Variants in EVI2A observed in about 807,000 individuals in gnomAD.
The protein encoded by EVI2A is ecotropic viral integration site 2A, also known as protein EVI2A.
In EVI2A, 11 loss-of-function variants were observed where a neutral mutation model predicts 13.0. The ratio of observed to expected loss-of-function variants is 0.85; its 90% CI spans 0.53 to 1.40. The LOEUF is 1.40. Ranked by LOEUF, EVI2A falls within the 40% of genes most tolerant of loss-of-function variation. The probability of loss-of-function intolerance (pLI) is 0.00; values close to 1 mark genes in which losing one functional copy is unlikely to be tolerated. For missense variants in EVI2A, 267 were observed against 279.5 expected, an observed-to-expected ratio of 0.96 and a Z score of 0.32; for synonymous variants, 89 against 98.0, an observed-to-expected ratio of 0.91 and a Z score of 0.54.
intron 1 of EVI2A, chr17:31,320,551 A>G: frequency 1.2e-6 from 1 of 829,634 alleles, no homozygotes; most frequent in Non-Finnish European, 1.9e-6. Flanking sequence ...GAAATGTGAT[A>G]CGTTGAGTTA....
chr17:31,320,650 A>G (rs1215382034), intron 1 of EVI2A: 2 of 437,338 alleles, frequency 4.6e-6, no homozygotes, highest in Non-Finnish European at 8.2e-6. Context: ...TAAATATTCC[A>G]GGATTAAGAT....
intron 1 of EVI2A, among the ~76,000 whole-genome samples, chr17:31,319,584 G>A (rs1325748547): frequency 6.6e-6 from 1 of 151,288 alleles, no homozygotes; most frequent in Non-Finnish European, 1.5e-5. Flanking sequence ...TTTTTCTTGG[G>A]TGTTCATCTT....
In EVI2A at chr17:31,321,404, C is replaced by T. The variant is rs1432307126; in HGVS notation, c.-11+91G>A. 2.0e-5 allele frequency: 3 copies of T among 152,184 alleles called. No homozygotes were observed. In the East Asian group the frequency reaches 5.8e-4, roughly 29 times the overall value. The allele number at this position is 152,184 out of a possible 1,614,324, so 9.4% of individuals were successfully genotyped here. A position where few individuals can be genotyped will look rare whatever the true frequency, so the allele number is the denominator to read the frequency against. On this transcript the variant is annotated intron_variant, in intron 1 of 1. Transcript: ENST00000462804. ...ACAATTCTAGTTTGTTAGTGAGATT[C>T]TTACACACTTTGATAGCATTTCCTC...
At chr17:31,320,327 T>C in intron 1 of EVI2A, 2 of 1,464,922 alleles carry the variant, frequency 1.4e-6, no homozygotes, top group Non-Finnish European at 1.8e-6. Flanking sequence ...CAAATGTACT[T>C]AGGAGTCCTT....
rs766097470 is a variant in EVI2A at position 31,318,655 on chromosome 17, AT to A, written c.358del (p.Ile120PhefsTer17). On this transcript the variant is annotated frameshift_variant, in exon 2 of 2. Coordinates refer to ENST00000462804, the MANE Select transcript of EVI2A (RefSeq NM_014210.4). LOFTEE classifies it high-confidence loss of function. ...IENTSKSHGE[I>X]FKKDVCAENN... ...TTCCGCACAGACATCCTTTTTGAAA[AT>A]TTCACCATGACTTTTGCTTGTGTTT... 4 of 1,613,960 alleles carry A rather than the reference AT, an allele frequency of 2.5e-6. No individual in the cohort carries two copies. The highest frequency in any genetic ancestry group is 1.7e-5 in the Admixed American group (1 of 59,974).
intron 1 of EVI2A, chr17:31,320,951 G>A (rs2069170706): frequency 6.6e-6 from 1 of 152,406 alleles, no homozygotes; most frequent in Non-Finnish European, 1.5e-5. Flanking sequence ...TTTTAACAGT[G>A]CTTACCACGG....
At position 31,317,549 on chromosome 17, in the gene EVI2A, T is replaced by C. The variant is rs1264787955; in HGVS notation, c.*754A>G. On this transcript the variant is annotated 3_prime_UTR_variant, in exon 2 of 2. Coordinates refer to ENST00000462804, the MANE Select transcript of EVI2A (RefSeq NM_014210.4). ...TAAACAGTGAAACATACTTTGCGTTTACACTTAGCCTATTGGTGTGGCTAT... is the reference window on the plus strand; with the variant it reads ...TAAACAGTGAAACATACTTTGCGTTCACACTTAGCCTATTGGTGTGGCTAT... 2 of 152,174 alleles carry C rather than the reference T, an allele frequency of 1.3e-5. No homozygotes were observed. The highest frequency in any genetic ancestry group is 2.9e-5 in the Non-Finnish European group (2 of 68,026). The allele number at this position is 152,174 out of a possible 1,614,324, so 9.4% of individuals were successfully genotyped here.
chr17:31,320,449 A>G (rs770519501), intron 1 of EVI2A: 1 of 1,609,104 alleles, frequency 6.2e-7, no homozygotes, highest in South Asian at 1.1e-5. Flanking sequence ...ACTGCTAGTC[A>G]GGCTTTTGAA....
intron 1 of EVI2A, among the ~76,000 whole-genome samples, chr17:31,320,186 A>G (rs186013285): frequency 6.6e-6 from 1 of 152,268 alleles, no homozygotes; most frequent in African/African-American, 2.4e-5. Context: ...GTCTTGAGCT[A>G]CTTTTGAAAG....
intron 1 of EVI2A, chr17:31,320,436 G>A: frequency 6.2e-7 from 1 of 1,610,230 alleles, no homozygotes; most frequent in East Asian, 2.2e-5. Flanking sequence ...CAACATGGAT[G>A]CCACTGCTAG....
At chr17:31,320,563 G>A (rs2069159673) in intron 1 of EVI2A, 1 of 705,722 alleles carries the variant, frequency 1.4e-6, no homozygotes, top group African/African-American at 1.8e-5. Context: ...GTTGAGTTAT[G>A]CAAACAAAAG....
chr17:31,319,148 C>T, intron 1 of EVI2A, 125 bp from the exon 2 acceptor site: 1 of 992,474 alleles, frequency 1.0e-6, no homozygotes, highest in Non-Finnish European at 1.5e-6. Flanking sequence ...CTAATATTCG[C>T]TACCCTGAAT....
In EVI2A at chr17:31,320,518, T is replaced by A. The variant is rs181287620; in HGVS notation, c.-11+977A>T. 23 of 1,171,824 alleles carry A rather than the reference T, an allele frequency of 2.0e-5. No homozygotes were observed. The African/African-American group carries it at 2.6e-4, about 13-fold the overall frequency. The allele number at this position is 1,171,824 out of a possible 1,614,324, so 72.6% of individuals were successfully genotyped here. A position where few individuals can be genotyped will look rare whatever the true frequency, so the allele number is the denominator to read the frequency against. On this transcript the variant is annotated intron_variant, in intron 1 of 1. Coordinates refer to ENST00000462804, the MANE Select transcript of EVI2A (RefSeq NM_014210.4). ...TCATTGGCTGACATTTGTATACTATTAAAATACAGAAATTGAAAATAAGAA... is the reference window on the plus strand; with the variant it reads ...TCATTGGCTGACATTTGTATACTATAAAAATACAGAAATTGAAAATAAGAA...
At position 31,318,102 on chromosome 17, in the gene EVI2A, A is replaced by G; in HGVS notation, c.*201T>C. 1.8e-6 allele frequency: 1 copy of G among 562,010 alleles called. No individual in the cohort carries two copies. The highest frequency in any genetic ancestry group is 2.9e-6 in the Non-Finnish European group (1 of 347,562). The allele number at this position is 562,010 out of a possible 1,614,324, so 34.8% of individuals were successfully genotyped here. A position where few individuals can be genotyped will look rare whatever the true frequency, so the allele number is the denominator to read the frequency against. ...TAGTTATTTTATTATTTGCTTTTTA[A>G]AATATTCAGTGTCAAAACAAAAGTA... On this transcript the variant is annotated 3_prime_UTR_variant, in exon 2 of 2. Coordinates refer to ENST00000462804, the MANE Select transcript of EVI2A (RefSeq NM_014210.4).
rs938291389 is a variant in EVI2A at position 31,317,146 on chromosome 17, C to A, written c.*1157G>T. ...TTTTTAAAATGGTTACTATATTGCC[C>A]GAAATAAATGCCCAGTAAGGGATGA... On this transcript the variant is annotated 3_prime_UTR_variant, in exon 2 of 2. Coordinates refer to ENST00000462804, the MANE Select transcript of EVI2A (RefSeq NM_014210.4). Among the ~76,000 whole-genome samples the A allele has an allele frequency of 6.6e-6, 1 of 151,874 alleles. No individual in the cohort carries two copies. The highest frequency in any genetic ancestry group is 1.9e-4 in the East Asian group (1 of 5,192).
At chr17:31,320,257 G>T in intron 1 of EVI2A, 1 of 739,916 alleles carries the variant, frequency 1.4e-6, no homozygotes, top group South Asian at 2.9e-5. Flanking sequence ...TTGTTCTCCT[G>T]AGATTTACTA....
At chr17:31,320,472 A>G in intron 1 of EVI2A, 1 of 1,571,470 alleles carries the variant, frequency 6.4e-7, no homozygotes, top group Non-Finnish European at 8.7e-7. Flanking sequence ...TCAAGGTTTT[A>G]TAAGAAATGG....
Position 31,318,521 on chromosome 17 carries a change from A to G in EVI2A, c.493T>C (p.Ser165Pro), listed in dbSNP as rs1597819225. 1 of 1,614,090 alleles carries G rather than the reference A, an allele frequency of 6.2e-7. No individual in the cohort carries two copies. Among genetic ancestry groups the G allele is most frequent in the Non-Finnish European group, 8.5e-7 (1 of 1,180,002 alleles). The change falls in exon 2 of 2, where the codon TCT becomes CCT. Residue 165 changes from serine to proline, a missense_variant. Physicochemically the swap from Ser to Pro is moderately conservative, Grantham distance 74. Coordinates refer to ENST00000462804, the MANE Select transcript of EVI2A (RefSeq NM_014210.4). The stretch of plus-strand genomic sequence containing the variant: ...CCTACTTGTTTTGATCGTCTGAGAG[A>G]AGAGACTTTGTTTGCCAAAACCACA... Reference protein sequence around the residue: ...STVVLANKVSSLRRSKQVGKR... With the variant: ...STVVLANKVSPLRRSKQVGKR...
chr17:31,319,692 C>G (rs2069127206), intron 1 of EVI2A, among the ~76,000 whole-genome samples: 1 of 150,288 alleles, frequency 6.7e-6, no homozygotes, highest in Non-Finnish European at 1.5e-5. Context: ...TTATATTTCC[C>G]TGGACTGACT....
Sources: gnomAD v4.1 joint callset for allele counts (sites outside exome capture counted in the v4.1 genomes callset) on GRCh38, gnomAD v4.1.1 for gene constraint, MANE v1.5 for transcripts, NCBI Gene and HGNC (gene_info 2026-07-23, HGNC 2026-07-21) for gene names.